Variants in MOGAT1 observed in about 807,000 individuals in gnomAD.
The protein encoded by MOGAT1 is 2-acylglycerol O-acyltransferase 1.
In MOGAT1, 32 loss-of-function variants were observed where a neutral mutation model predicts 31.4. The observed-to-expected ratio is 1.02, with a 90% CI of 0.77 to 1.37. The LOEUF is 1.37. Ranked by LOEUF, MOGAT1 falls within the 40% of genes most tolerant of loss-of-function variation. The pLI is 0.00. For missense variants in MOGAT1, 426 were observed against 402.0 expected (o/e 1.06, Z -0.51); for synonymous variants, 145 against 144.5 (o/e 1.00, Z -0.03).
At chr2:222,672,689 T>C (rs1692438071) in intron 1 of MOGAT1, among the ~76,000 whole-genome samples, 1 of 152,136 alleles carries the variant, frequency 6.6e-6, no homozygotes, top group Non-Finnish European at 1.5e-5. Flanking sequence ...AGATCATGTG[T>C]ATGCTGTAAG....
chr2:222,699,805 G>A (rs1257906428), intron 5 of MOGAT1, among the ~76,000 whole-genome samples: 1 of 152,102 alleles, frequency 6.6e-6, no homozygotes, highest in Non-Finnish European at 1.5e-5. Context: ...GCTTCTGTTG[G>A]GAGATATTTC....
In MOGAT1 at chr2:222,691,194, T is replaced by A. The variant is rs1050368762; in HGVS notation, c.478+1725T>A. ...CCCTGGTTTCTTTTTATTTATTTAT[T>A]TTTTATTTTATTTTATTTTATTTTT... On this transcript the variant is annotated intron_variant, in intron 3 of 5. Coordinates refer to ENST00000446656, the MANE Select transcript of MOGAT1 (RefSeq NM_058165.3). Among the ~76,000 whole-genome samples, 7 of 151,640 alleles carry A rather than the reference T, an allele frequency of 4.6e-5. No homozygotes were observed. The South Asian group carries it at 1.0e-3, about 22-fold the overall frequency.
chr2:222,708,794 A>G, intron 5 of MOGAT1, among the ~76,000 whole-genome samples: 1 of 152,240 alleles, frequency 6.6e-6, no homozygotes, highest in Admixed American at 6.5e-5. Context: ...CACTTAATAC[A>G]TTTTAGACAT....
chr2:222,701,053 T>C lies in MOGAT1; in HGVS notation c.853+5765T>C, dbSNP rs1160765134. ...ATTCATCCCAAATCATCACCTTAGC[T>C]AAATCCTCTCACAGGTGTCCAGAGA... On this transcript the variant is annotated intron_variant, in intron 5 of 5. Coordinates refer to ENST00000446656, the MANE Select transcript of MOGAT1 (RefSeq NM_058165.3). Among the ~76,000 whole-genome samples the C allele has an allele frequency of 2.0e-5, 3 of 152,210 alleles. No homozygotes were observed. The East Asian group carries it at 5.8e-4, about 29-fold the overall frequency.
chr2:222,696,042 C>T (rs1420862092), intron 5 of MOGAT1, among the ~76,000 whole-genome samples: 1 of 152,220 alleles, frequency 6.6e-6, no homozygotes, highest in African/African-American at 2.4e-5. Context: ...TGAGTTACTT[C>T]ACTTAGAATA....
At position 222,699,832 on chromosome 2, in the gene MOGAT1, T is replaced by G. The variant is rs6757611; in HGVS notation, c.853+4544T>G. On this transcript the variant is annotated intron_variant, in intron 5 of 5. Transcript: ENST00000446656. ...AGATATTTCTTAATATTTCTTCCTTTTACGAGATGGTGTCTTGCTGAGTAT... is the reference window on the plus strand; with the variant it reads ...AGATATTTCTTAATATTTCTTCCTTGTACGAGATGGTGTCTTGCTGAGTAT... Among the ~76,000 whole-genome samples the G allele has an allele frequency of 5.9e-3, 904 of 152,304 alleles. 10 individuals are homozygous for G. The highest frequency in any genetic ancestry group is 0.021 in the African/African-American group (863 of 41,566).
At chr2:222,692,421 G>C (rs1164677568) in intron 3 of MOGAT1, among the ~76,000 whole-genome samples, 1 of 152,242 alleles carries the variant, frequency 6.6e-6, no homozygotes, top group African/African-American at 2.4e-5. Context: ...ATCAGTCAAT[G>C]TGGTGGCTAA....
intron 1 of MOGAT1, among the ~76,000 whole-genome samples, chr2:222,685,104 T>C (rs1245386385): frequency 6.6e-6 from 1 of 152,154 alleles, no homozygotes; most frequent in Admixed American, 6.5e-5. Context: ...TTTAAAAATG[T>C]GTGGTCAGCC....
intron 1 of MOGAT1, among the ~76,000 whole-genome samples, chr2:222,673,485 C>T (rs1692452586): frequency 6.6e-6 from 1 of 152,100 alleles, no homozygotes; most frequent in Admixed American, 6.5e-5. Context: ...TTCTAAGCAA[C>T]ATCCACGATT....
chr2:222,685,725 G>T (rs6728782), intron 1 of MOGAT1, among the ~76,000 whole-genome samples: 1 of 149,866 alleles, frequency 6.7e-6, no homozygotes, highest in Non-Finnish European at 1.5e-5. Flanking sequence ...CTCAACCTCC[G>T]AAATAGCTGG....
chr2:222,683,953 T>C (rs1001700231), intron 1 of MOGAT1, among the ~76,000 whole-genome samples: 5 of 152,252 alleles, frequency 3.3e-5, no homozygotes, highest in Non-Finnish European at 5.9e-5. Flanking sequence ...CTGCACAATG[T>C]AACAGCGTAG....
chr2:222,703,399 T>G (rs2106044817), intron 5 of MOGAT1, among the ~76,000 whole-genome samples: 1 of 152,178 alleles, frequency 6.6e-6, no homozygotes, highest in African/African-American at 2.4e-5. Context: ...TTTTTGTTTG[T>G]TTGTTTTGTT....
At chr2:222,696,603 A>G (rs1692839204) in intron 5 of MOGAT1, among the ~76,000 whole-genome samples, 1 of 151,746 alleles carries the variant, frequency 6.6e-6, no homozygotes, top group Non-Finnish European at 1.5e-5. Context: ...GCCCTTTTTG[A>G]TGGGATTGTT....
intron 1 of MOGAT1, among the ~76,000 whole-genome samples, chr2:222,685,664 G>A (rs1365030240): frequency 6.9e-6 from 1 of 144,356 alleles, no homozygotes; most frequent in Non-Finnish European, 1.5e-5. Context: ...GCAATGGTGC[G>A]ATCTCGGCTC....
intron 5 of MOGAT1, among the ~76,000 whole-genome samples, chr2:222,703,634 G>A (rs958573484): frequency 8.5e-5 from 13 of 152,066 alleles, no homozygotes; most frequent in African/African-American, 3.1e-4. Context: ...TAAGCCACGG[G>A]TGAGCCCTGA....
chr2:222,680,020 G>A (rs936593765), intron 1 of MOGAT1, among the ~76,000 whole-genome samples: 6 of 151,670 alleles, frequency 4.0e-5, no homozygotes, highest in Admixed American at 1.3e-4. Flanking sequence ...ACCATTTCTC[G>A]GTAAAAGCTC....
intron 1 of MOGAT1, among the ~76,000 whole-genome samples, chr2:222,672,554 T>C (rs1383375293): frequency 2.6e-5 from 4 of 152,194 alleles, no homozygotes; most frequent in African/African-American, 9.7e-5. Flanking sequence ...TGGGTGGTTT[T>C]TCTTTTTGTT....
Position 222,695,683 on chromosome 2 carries a change from A to G in MOGAT1, c.853+395A>G, listed in dbSNP as rs555041211. ...AGTGTCCTCATTATGTTCAGTTCAC[A>G]TAAGCATCAGTTTCTATAGCAAAAG... On this transcript the variant is annotated intron_variant, in intron 5 of 5. Transcript: ENST00000446656. Among the ~76,000 whole-genome samples, 365 of 152,336 alleles carry G rather than the reference A, an allele frequency of 2.4e-3. 2 individuals are homozygous for G. Among genetic ancestry groups the G allele is most frequent in the African/African-American group, 7.8e-3 (325 of 41,564 alleles).
intron 5 of MOGAT1, among the ~76,000 whole-genome samples, chr2:222,700,560 T>C (rs1453097868): frequency 6.6e-6 from 1 of 152,200 alleles, no homozygotes; most frequent in Non-Finnish European, 1.5e-5. Flanking sequence ...AGAATATGTT[T>C]TGTATATGTT....
Sources: gnomAD v4.1 joint callset for allele counts (sites outside exome capture counted in the v4.1 genomes callset) on GRCh38, gnomAD v4.1.1 for gene constraint, MANE v1.5 for transcripts, NCBI Gene and HGNC (gene_info 2026-07-23, HGNC 2026-07-21) for gene names.